MBNL2: variants seen among roughly 807,000 people sequenced by gnomAD.
MBNL2 encodes the protein muscleblind-like protein 2.
MBNL2 carries 17 observed loss-of-function variants against 41.9 expected under a neutral mutation model. The observed-to-expected ratio is 0.41, with a 90% CI of 0.28 to 0.61. The LOEUF is 0.61. Ranked by LOEUF, MBNL2 falls within the 20% of genes least tolerant of loss-of-function variation. MBNL2 has a pLI of 0.35. For missense variants in MBNL2, 336 were observed against 505.6 expected, an observed-to-expected ratio of 0.66 and a Z score of 3.22; for synonymous variants, 195 against 182.9, an observed-to-expected ratio of 1.07 and a Z score of -0.53.
At chr13:97,183,920 C>T in the MBNL2 span, among the ~76,000 whole-genome samples, 1 of 152,150 alleles carries the variant, frequency 6.6e-6, no homozygotes, top group Non-Finnish European at 1.5e-5. Context: ...GATATGAAAC[C>T]AAATCCCCAG....
intron 7 of MBNL2, among the ~76,000 whole-genome samples, chr13:97,358,872 A>T (rs1031142437): frequency 6.6e-6 from 1 of 152,366 alleles, no homozygotes; most frequent in African/African-American, 2.4e-5. Context: ...TTAACATCAG[A>T]GGGAGGTAAA....
At chr13:97,160,461 T>C in the MBNL2 span, among the ~76,000 whole-genome samples, 2 of 152,198 alleles carry the variant, frequency 1.3e-5, no homozygotes, top group African/African-American at 4.8e-5. Context: ...TTTGCTTTTG[T>C]TGAACTGCAT....
intron 1 of MBNL2, among the ~76,000 whole-genome samples, chr13:97,265,542 A>G (rs1389437095): frequency 6.6e-6 from 1 of 152,222 alleles, no homozygotes; most frequent in African/African-American, 2.4e-5. Flanking sequence ...AGGACTTCAT[A>G]GCTTGTACCT....
intron 2 of MBNL2, among the ~76,000 whole-genome samples, chr13:97,326,310 CAGGCT>C: frequency 6.6e-6 from 1 of 152,142 alleles, no homozygotes; most frequent in Admixed American, 6.5e-5. Flanking sequence ...ATTTATCCAC[CAGGCT>C]ACACTGCCAA....
chr13:97,344,125 T>A (rs1010241731), intron 4 of MBNL2, among the ~76,000 whole-genome samples: 2 of 152,220 alleles, frequency 1.3e-5, no homozygotes, highest in Non-Finnish European at 2.9e-5. Flanking sequence ...AGTTATTAAT[T>A]GAGATATTTT....
intron 8 of MBNL2, among the ~76,000 whole-genome samples, chr13:97,384,762 T>C (rs1286259400): frequency 6.6e-6 from 1 of 152,154 alleles, no homozygotes; most frequent in Non-Finnish European, 1.5e-5. Flanking sequence ...CAGTGAAATA[T>C]TATTAATATC....
the MBNL2 span, among the ~76,000 whole-genome samples, chr13:97,155,356 T>C: frequency 6.6e-6 from 1 of 151,788 alleles, no homozygotes; most frequent in Non-Finnish European, 1.5e-5. Flanking sequence ...AAGGTCATTA[T>C]ATTTACTGAG....
intron 4 of MBNL2, among the ~76,000 whole-genome samples, chr13:97,344,069 G>T (rs2061642990): frequency 6.6e-6 from 1 of 152,234 alleles, no homozygotes; most frequent in Non-Finnish European, 1.5e-5. Context: ...GCCTCCCAAA[G>T]TGCTGGGATT....
intron 8 of MBNL2, among the ~76,000 whole-genome samples, chr13:97,381,044 T>C (rs192816363): frequency 6.6e-6 from 1 of 152,146 alleles, no homozygotes; most frequent in African/African-American, 2.4e-5. Context: ...TTACACACAA[T>C]TGAGTGGTTT....
intron 7 of MBNL2, 106 bp from the exon 8 acceptor site, chr13:97,365,030 C>T (rs2063742445): frequency 1.2e-6 from 1 of 804,700 alleles, no homozygotes; most frequent in Non-Finnish European, 2.3e-6. Context: ...ACTAACCCTA[C>T]TTATTTCTGG....
At chr13:97,148,526 G>A in the MBNL2 span, among the ~76,000 whole-genome samples, 5 of 152,180 alleles carry the variant, frequency 3.3e-5, no homozygotes, top group East Asian at 1.9e-4. Context: ...TTTGGGGGAT[G>A]CCAATAATCA....
intron 2 of MBNL2, among the ~76,000 whole-genome samples, chr13:97,299,267 A>G (rs1254857538): frequency 6.6e-6 from 1 of 152,018 alleles, no homozygotes; most frequent in African/African-American, 2.4e-5. Context: ...GTTTTCTAAC[A>G]TTGACAGTGT....
chr13:97,241,591 T>A (rs951985858), intron 1 of MBNL2, among the ~76,000 whole-genome samples: 1 of 152,232 alleles, frequency 6.6e-6, no homozygotes, highest in Non-Finnish European at 1.5e-5. Context: ...TCCAACTGTG[T>A]GCCTAGTATC....
At chr13:97,232,214 C>G (rs2042483533) in intron 1 of MBNL2, among the ~76,000 whole-genome samples, 1 of 152,168 alleles carries the variant, frequency 6.6e-6, no homozygotes, top group African/African-American at 2.4e-5. Flanking sequence ...TCTGTCCTCC[C>G]TCCTTTCAGA....
rs1205002016 is a variant in MBNL2, at chr13:97,268,969, C to T, written c.-604-6663C>T. On this transcript the variant is annotated intron_variant, in intron 1 of 8. Transcript: ENST00000679496. The surrounding 1 kb of genome is among the most constrained non-coding windows in gnomAD (Gnocchi z 4.6). Reference sequence around the variant, plus strand: ...GAGGGGGCGCTGTTCCGGATGCAGGCCCGTGAGGAGGGCCTGCCGGAGGGT... The same window carrying T: ...GAGGGGGCGCTGTTCCGGATGCAGGTCCGTGAGGAGGGCCTGCCGGAGGGT... Among the ~76,000 whole-genome samples the T allele has an allele frequency of 6.6e-6, 1 of 152,170 alleles. No homozygotes were observed. Among genetic ancestry groups the T allele is most frequent in the Admixed American group, 6.5e-5 (1 of 15,276 alleles).
chr13:97,382,821 G>T (rs1035246026), intron 8 of MBNL2, among the ~76,000 whole-genome samples: 1 of 151,884 alleles, frequency 6.6e-6, no homozygotes, highest in Non-Finnish European at 1.5e-5. Flanking sequence ...GCCATGCCTG[G>T]CTAATTTTTT....
At chr13:97,178,126 C>T in the MBNL2 span, among the ~76,000 whole-genome samples, 1 of 152,138 alleles carries the variant, frequency 6.6e-6, no homozygotes, top group Non-Finnish European at 1.5e-5. Context: ...GGAAGTAAAT[C>T]CACAGGATTC....
At chr13:97,263,746 T>C (rs1392492544) in intron 1 of MBNL2, among the ~76,000 whole-genome samples, 1 of 151,992 alleles carries the variant, frequency 6.6e-6, no homozygotes, top group Non-Finnish European at 1.5e-5. Context: ...GCCTCCCAAG[T>C]AGCTGGGATT....
the MBNL2 span, among the ~76,000 whole-genome samples, chr13:97,160,677 A>T: frequency 2.0e-5 from 3 of 152,114 alleles, no homozygotes; most frequent in Non-Finnish European, 2.9e-5. Context: ...ATCCATATTT[A>T]TTGGCATTGG....
Sources: allele counts gnomAD v4.1 joint callset (sites outside exome capture counted in the v4.1 genomes callset), GRCh38; gene constraint gnomAD v4.1.1; non-coding constraint Gnocchi (gnomAD v3.1); transcripts MANE v1.5; gene names NCBI Gene and HGNC (gene_info 2026-07-23, HGNC 2026-07-21).